JCAD: variants seen among roughly 807,000 people sequenced by gnomAD.
The protein encoded by JCAD is junctional cadherin 5-associated protein.
A neutral mutation model predicts 98.0 loss-of-function variants in JCAD; 40 were observed. The observed-to-expected ratio is 0.41, with a 90% CI of 0.32 to 0.53. JCAD has a LOEUF of 0.53. JCAD is among the 20% of genes least tolerant of loss of function. The pLI is 0.31. For synonymous variants in JCAD, 691 were observed against 682.3 expected, an observed-to-expected ratio of 1.01 and a Z score of -0.20; for missense variants, 1,705 against 1,738.1, an observed-to-expected ratio of 0.98 and a Z score of 0.34.
At chr10:30,055,438 G>A (rs1306807834) in intron 1 of JCAD, among the ~76,000 whole-genome samples, 1 of 152,138 alleles carries the variant, frequency 6.6e-6, no homozygotes, top group Non-Finnish European at 1.5e-5. Context: ...TGACACGTAG[G>A]TTTTTAATGC....
chr10:30,037,667 G>GTATTT (rs1172503295), intron 2 of JCAD, among the ~76,000 whole-genome samples: 2 of 152,064 alleles, frequency 1.3e-5, no homozygotes, highest in Non-Finnish European at 2.9e-5. Context: ...CACAAATAAT[G>GTATTT]GGTCTGGAAG....
In JCAD at chr10:30,028,330, ACTGGGC is replaced by A. The variant is rs771840902; in HGVS notation, c.1812_1817del (p.Lys604_Ser606delinsAsn). The A allele has an allele frequency of 3.7e-6, 6 of 1,614,170 alleles. No homozygotes were observed. In the South Asian group the frequency reaches 4.4e-5, roughly 12 times the overall value. On this transcript the variant is annotated inframe_deletion, in exon 3 of 4. Coordinates refer to ENST00000375377, the MANE Select transcript of JCAD (RefSeq NM_020848.4). ...TATCAGACCCATTCTTTTGATCAGC[ACTGGGC>A]TTTAAGTCATTGTTGTCCATATCTC...
chr10:30,108,535 G>A (rs867953111), intron 1 of JCAD, among the ~76,000 whole-genome samples: 25 of 152,234 alleles, frequency 1.6e-4, no homozygotes, highest in African/African-American at 4.3e-4. Flanking sequence ...AGAGTGAGGG[G>A]CTTATAAGGA....
At chr10:30,059,593 C>T (rs1212754938), upstream of JCAD, 1 of 152,076 alleles carries the variant, frequency 6.6e-6, no homozygotes, top group Admixed American at 6.6e-5. The surrounding 1 kb of genome is among the most constrained non-coding windows in gnomAD (Gnocchi z 5.0). Context: ...GCCCGGAGAA[C>T]CGCCGTCCGC....
chr10:30,104,792 T>G (rs1173789569), intron 1 of JCAD, among the ~76,000 whole-genome samples: 1 of 152,200 alleles, frequency 6.6e-6, no homozygotes, highest in Non-Finnish European at 1.5e-5. Context: ...TTTTGTTTGT[T>G]TGTTTGTTTG....
In JCAD at chr10:30,055,927, TG is replaced by T. The variant is rs527778716; in HGVS notation, c.-60+3554del. On this transcript the variant is annotated intron_variant, in intron 1 of 3. Coordinates refer to ENST00000375377, the MANE Select transcript of JCAD (RefSeq NM_020848.4). ...CTTTTTTTTCTTTCCACAACTAATG[TG>T]AACACACACACATGCACTTACACAC... Among the ~76,000 whole-genome samples the T allele has an allele frequency of 1.4e-3, 211 of 152,054 alleles. 2 individuals carry two copies. The highest frequency in any genetic ancestry group is 0.01 in the Middle Eastern group (3 of 292).
chr10:30,100,925 G>A (rs1838460951), intron 1 of JCAD, among the ~76,000 whole-genome samples: 1 of 152,332 alleles, frequency 6.6e-6, no homozygotes, highest in African/African-American at 2.4e-5. Flanking sequence ...ATAACTGGAA[G>A]TGGGACTTCC....
rs1435121500 is a variant in JCAD, at chr10:30,027,925, G to A, written c.2223C>T (p.His741=). 3.1e-6 allele frequency: 5 copies of A among 1,614,220 alleles called. No individual in the cohort carries two copies. The highest frequency in any genetic ancestry group is 3.3e-4 in the Middle Eastern group (2 of 6,062). Residue 741 remains histidine, a synonymous_variant, in exon 3 of 4, where the codon CAC becomes CAT. Transcript: ENST00000375377. ...GGTTACGGGCACTTGGCCTCTGTTT[G>A]TGATCACCGGTAGGGAATGCTGTGT... ...QTHTAFPTGD[H]KQRPSARNLK...
rs866231001 is a variant in JCAD at position 30,071,940 on chromosome 10, G to A, written n.129-2119C>T. 3.3e-5 allele frequency among the ~76,000 whole-genome samples: 5 copies of A among 152,192 alleles called. 1 individual carries two copies. Among genetic ancestry groups the A allele is most frequent in the Middle Eastern group, 6.8e-3 (2 of 294 alleles). On this transcript the variant is annotated intron_variant and non_coding_transcript_variant, in intron 1 of 2. Transcript: ENST00000465712. The stretch of plus-strand genomic sequence containing the variant: ...TCCTCATAAAGGCAAGTGAACAGAG[G>A]TTAATATTATAAGCTCCACTCACTC...
rs1016968161 is a variant in JCAD, at chr10:30,081,933, G to T, written n.129-12112C>A. On this transcript the variant is annotated intron_variant and non_coding_transcript_variant, in intron 1 of 2. Coordinates refer to the JCAD transcript ENST00000465712. ...CTCCAGTATGGCCTATAATTCTGTTGCACTAAGAACCTCTTTTAGTGTTTG... is the reference window on the plus strand; with the variant it reads ...CTCCAGTATGGCCTATAATTCTGTTTCACTAAGAACCTCTTTTAGTGTTTG... Among the ~76,000 whole-genome samples, 13 of 152,284 alleles carry T rather than the reference G, an allele frequency of 8.5e-5. No homozygotes were observed. The East Asian group carries it at 2.5e-3, about 29-fold the overall frequency.
Position 30,026,572 on chromosome 10 carries a change from C to T in JCAD, c.3576G>A (p.Glu1192=), listed in dbSNP as rs745585551. The T allele has an allele frequency of 5.6e-6, 9 of 1,614,150 alleles. No homozygotes were observed. The South Asian group carries it at 7.7e-5, about 14-fold the overall frequency. The change falls in exon 3 of 4, where the codon GAG becomes GAA. Residue 1192 remains glutamate (E), a synonymous_variant. Coordinates refer to ENST00000375377, the MANE Select transcript of JCAD (RefSeq NM_020848.4). ...VTSTDPVPEP[E]PSPLESKFFE... is the part of the protein sequence containing the mutation. ...AGAACTTGGACTCCAAGGGGCTGGG[C>T]TCAGGCTCAGGGACAGGGTCTGTGC...
At chr10:30,074,691 T>C (rs1022692055) in intron 1 of JCAD, among the ~76,000 whole-genome samples, 2 of 152,248 alleles carry the variant, frequency 1.3e-5, no homozygotes. Context: ...AAGGAGACCA[T>C]GAGGCCTGTG....
chr10:30,042,351 TCCAG>T (rs1837259012), intron 2 of JCAD, among the ~76,000 whole-genome samples: 2 of 152,070 alleles, frequency 1.3e-5, no homozygotes, highest in African/African-American at 4.8e-5. Flanking sequence ...CTCTCCCTTG[TCCAG>T]CCCCTCCCCT....
Position 30,026,105 on chromosome 10 carries a change from G to C in JCAD, c.4043C>G (p.Pro1348Arg), listed in dbSNP as rs1357049161. The change falls in exon 3 of 4, where the codon CCA (proline) becomes CGA (arginine). Residue 1348 changes from proline to arginine, a missense_variant and splice_region_variant. Pro to Arg is a moderately radical substitution (Grantham distance 103, BLOSUM62 -2). Transcript: ENST00000375377. ...TGCCTGTCTGCCTGATTCCTCACCTGGGCACCAGAAGTCTTGATCCATGCT... is the reference window on the plus strand; with the variant it reads ...TGCCTGTCTGCCTGATTCCTCACCTCGGCACCAGAAGTCTTGATCCATGCT... ...EKSMDQDFWCPDSYDPSRVER... is the reference protein window; with the variant it reads ...EKSMDQDFWCRDSYDPSRVER... 6.2e-7 allele frequency: 1 copy of C among 1,614,072 alleles called. No individual in the cohort carries two copies. The highest frequency in any genetic ancestry group is 8.5e-7 in the Non-Finnish European group (1 of 1,180,038).
intron 1 of JCAD, among the ~76,000 whole-genome samples, chr10:30,097,799 C>T (rs1308385305): frequency 6.6e-6 from 1 of 152,038 alleles, no homozygotes; most frequent in Non-Finnish European, 1.5e-5. Flanking sequence ...AGAAAAGAGA[C>T]ACGGGTACAA....
intron 1 of JCAD, among the ~76,000 whole-genome samples, chr10:30,073,681 G>GCTTC (rs35385707): frequency 0.53 from 73,136 of 137,588 alleles, 19,991 homozygotes; most frequent in Non-Finnish European, 0.6. Flanking sequence ...TTCCTTCCTT[G>GCTTC]CTTCCTTCCT....
At chr10:30,115,310 C>T (rs990283265) in intron 1 of JCAD, 1 of 152,096 alleles carries the variant, frequency 6.6e-6, no homozygotes, top group East Asian at 1.9e-4. Flanking sequence ...GATTACCGGC[C>T]CTATTTTCTT....
intron 2 of JCAD, among the ~76,000 whole-genome samples, chr10:30,065,016 T>G (rs749047635): frequency 3.3e-5 from 5 of 152,196 alleles, no homozygotes; most frequent in Non-Finnish European, 5.9e-5. Context: ...CTTGTTGGCT[T>G]GTTTTAGAAA....
At chr10:30,079,110 T>C (rs1838029738) in intron 1 of JCAD, among the ~76,000 whole-genome samples, 1 of 152,026 alleles carries the variant, frequency 6.6e-6, no homozygotes, top group Non-Finnish European at 1.5e-5. Flanking sequence ...TCAAGAATAG[T>C]AATCATCTTG....
Sources: gnomAD v4.1 joint callset for allele counts (sites outside exome capture counted in the v4.1 genomes callset) on GRCh38, gnomAD v4.1.1 for gene constraint, Gnocchi (gnomAD v3.1) non-coding constraint, MANE v1.5 for transcripts, NCBI Gene and HGNC (gene_info 2026-07-23, HGNC 2026-07-21) for gene names.